Variants in VWA8 observed in about 807,000 individuals in gnomAD.
VWA8 encodes the protein von Willebrand factor A domain containing 8.
VWA8 carries 221 observed loss-of-function variants against 241.5 expected under a neutral mutation model. The ratio of observed to expected loss-of-function variants is 0.91; its 90% CI spans 0.82 to 1.02. The LOEUF (loss-of-function observed/expected upper bound fraction) is 1.02, where lower values mean the gene tolerates loss of function less well. VWA8 is among the 50% of genes least tolerant of loss of function. The pLI is 0.00. For synonymous variants in VWA8, 852 were observed against 827.1 expected, an observed-to-expected ratio of 1.03 and a Z score of -0.52; for missense variants, 2,322 against 2,328.7, an observed-to-expected ratio of 1.00 and a Z score of 0.06.
intron 3 of VWA8, among the ~76,000 whole-genome samples, chr13:41,910,270 T>C (rs1018608035): frequency 6.6e-6 from 1 of 152,100 alleles, no homozygotes; most frequent in Non-Finnish European, 1.5e-5. Context: ...GTCTTTGAAA[T>C]AAGCAAGGTA....
chr13:41,960,731 C>A lies in VWA8; in HGVS notation c.163+122G>T, dbSNP rs1039501111. 4 of 1,341,060 alleles carry A rather than the reference C, an allele frequency of 3.0e-6. No individual in the cohort carries two copies. The African/African-American group carries it at 4.6e-5, about 16-fold the overall frequency. The allele number at this position is 1,341,060 out of a possible 1,614,324, so 83.1% of individuals were successfully genotyped here. ...GGACTAGAACCTCAATCTTTCAGCT[C>A]CCCGCTCGGCAAACGGTCCTTCCAA... On this transcript the variant is annotated intron_variant, in intron 1 of 44. Coordinates refer to ENST00000379310, the MANE Select transcript of VWA8 (RefSeq NM_015058.2).
At position 41,715,437 on chromosome 13, in the gene VWA8, GAT is replaced by G. The variant is rs144994086; in HGVS notation, c.3116+4152_3116+4153del. 5.2e-3 allele frequency among the ~76,000 whole-genome samples: 797 copies of G among 152,014 alleles called. 5 individuals carry two copies. The highest frequency in any genetic ancestry group is 0.018 in the African/African-American group (760 of 41,538). On this transcript the variant is annotated intron_variant, in intron 26 of 44. Coordinates refer to ENST00000379310, the MANE Select transcript of VWA8 (RefSeq NM_015058.2). Reference sequence around the variant, plus strand: ...CTTAAAATGGAAATCTCATGAAAAAGATAGCATTTTTTTCTTTCTTTAAAACA... The same window carrying G: ...CTTAAAATGGAAATCTCATGAAAAAGAGCATTTTTTTCTTTCTTTAAAACA...
intron 4 of VWA8, among the ~76,000 whole-genome samples, chr13:41,898,726 G>A (rs1352182170): frequency 1.3e-5 from 2 of 152,306 alleles, no homozygotes; most frequent in East Asian, 1.9e-4. Flanking sequence ...CCTGCCCCGC[G>A]GGAAGGCAGC....
chr13:41,662,819 G>C (rs140744832), intron 37 of VWA8, among the ~76,000 whole-genome samples: 13 of 152,172 alleles, frequency 8.5e-5, no homozygotes, highest in African/African-American at 2.9e-4. Context: ...AGCATTACAG[G>C]GAAAGCGTTC....
intron 35 of VWA8, among the ~76,000 whole-genome samples, chr13:41,682,344 G>A (rs1186148333): frequency 1.3e-5 from 2 of 152,056 alleles, no homozygotes; most frequent in Non-Finnish European, 2.9e-5. Flanking sequence ...AAAATAAAGA[G>A]CCTCAGTCCA....
intron 2 of VWA8, among the ~76,000 whole-genome samples, chr13:41,917,803 C>CT (rs1226402286): frequency 6.6e-6 from 1 of 152,218 alleles, no homozygotes; most frequent in Non-Finnish European, 1.5e-5. Flanking sequence ...TGTTAGAGTA[C>CT]TTTCACTTGA....
chr13:41,617,571 T>C (rs184823526), intron 37 of VWA8, among the ~76,000 whole-genome samples: 2 of 152,316 alleles, frequency 1.3e-5, no homozygotes, highest in East Asian at 3.9e-4. Context: ...ACACATGCCA[T>C]GTTGGTTTGC....
intron 21 of VWA8, among the ~76,000 whole-genome samples, chr13:41,746,124 G>A (rs577458922): frequency 3.4e-4 from 52 of 152,250 alleles, no homozygotes; most frequent in African/African-American, 1.2e-3. Flanking sequence ...GGAAAAATAT[G>A]AACAGTTGTT....
intron 17 of VWA8, among the ~76,000 whole-genome samples, chr13:41,791,233 T>C (rs1449049966): frequency 6.6e-6 from 1 of 151,916 alleles, no homozygotes; most frequent in Non-Finnish European, 1.5e-5. Context: ...GCAGCCTTGC[T>C]AAACTCAACA....
intron 19 of VWA8, 77 bp downstream of exon 19, chr13:41,783,718 A>G: frequency 1.0e-6 from 1 of 962,610 alleles, no homozygotes; most frequent in African/African-American, 1.7e-5. Flanking sequence ...AAATAATTAC[A>G]TGTCAATTTC....
At chr13:41,634,435 C>T (rs1246884062) in intron 37 of VWA8, among the ~76,000 whole-genome samples, 5 of 152,030 alleles carry the variant, frequency 3.3e-5, no homozygotes, top group Non-Finnish European at 4.4e-5. Context: ...CAATTTTTGA[C>T]GTATTCTGAC....
intron 37 of VWA8, among the ~76,000 whole-genome samples, chr13:41,624,333 C>T (rs2044675273): frequency 6.6e-6 from 1 of 152,094 alleles, no homozygotes; most frequent in Non-Finnish European, 1.5e-5. Context: ...ATGCAGCTAG[C>T]ATCATTCTGA....
intron 21 of VWA8, among the ~76,000 whole-genome samples, chr13:41,733,922 C>T (rs1424700858): frequency 6.6e-6 from 1 of 152,142 alleles, no homozygotes; most frequent in Non-Finnish European, 1.5e-5. Context: ...GTTTATAGTG[C>T]AGGATAAAAC....
intron 9 of VWA8, among the ~76,000 whole-genome samples, chr13:41,868,871 C>T (rs930214591): frequency 2.0e-5 from 2 of 99,960 alleles, no homozygotes; most frequent in South Asian, 3.0e-4. Context: ...ATGGGCAAAA[C>T]GGCAAGACTC....
intron 17 of VWA8, among the ~76,000 whole-genome samples, chr13:41,807,441 AT>A (rs1870264907): frequency 6.6e-6 from 1 of 152,234 alleles, no homozygotes; most frequent in Admixed American, 6.5e-5. Context: ...AAAATCCTCA[AT>A]AAAATAGTAG....
intron 12 of VWA8, among the ~76,000 whole-genome samples, chr13:41,840,801 A>C (rs1191842373): frequency 2.6e-5 from 4 of 152,176 alleles, no homozygotes; most frequent in Admixed American, 6.5e-5. Context: ...CACAACATCA[A>C]CACCAAATCA....
intron 18 of VWA8, among the ~76,000 whole-genome samples, chr13:41,786,836 TTTCA>T (rs1295279434): frequency 2.0e-5 from 3 of 152,178 alleles, no homozygotes; most frequent in Non-Finnish European, 4.4e-5. Context: ...ATTGAAAATC[TTTCA>T]TTGTGTTCTA....
At chr13:41,749,555 C>T (rs1005593616) in intron 21 of VWA8, among the ~76,000 whole-genome samples, 4 of 152,040 alleles carry the variant, frequency 2.6e-5, no homozygotes, top group Non-Finnish European at 5.9e-5. Flanking sequence ...CACATGCACA[C>T]GTATGTTTAC....
At chr13:41,650,830 T>C (rs34449929) in intron 37 of VWA8, among the ~76,000 whole-genome samples, 4 of 152,042 alleles carry the variant, frequency 2.6e-5, no homozygotes, top group African/African-American at 9.7e-5. Flanking sequence ...ACAGGCTGCA[T>C]CCAAGGAGGG....
Sources: gnomAD v4.1 joint callset for allele counts (sites outside exome capture counted in the v4.1 genomes callset) on GRCh38, gnomAD v4.1.1 for gene constraint, MANE v1.5 for transcripts, NCBI Gene and HGNC (gene_info 2026-07-23, HGNC 2026-07-21) for gene names.